The following PMFBP1 variants were observed in gnomAD, a reference collection of about 807,000 sequenced individuals.
The protein encoded by PMFBP1 is polyamine modulated factor 1 binding protein 1.
Under a neutral mutation model 137.8 loss-of-function variants are expected in PMFBP1, and 131 were observed. The observed-to-expected ratio is 0.95, with a 90% CI of 0.82 to 1.10. PMFBP1 has a LOEUF of 1.10. Ranked by LOEUF, PMFBP1 falls within the 50% of genes least tolerant of loss-of-function variation. The pLI, the probability that PMFBP1 is intolerant of heterozygous loss-of-function variation, is 0.00. For missense variants in PMFBP1, 1,199 were observed against 1,175.4 expected (o/e 1.02, Z -0.29); for synonymous variants, 490 against 450.4 (o/e 1.09, Z -1.11).
At chr16:72,147,920 G>T (rs1351906820) in intron 5 of PMFBP1, among the ~76,000 whole-genome samples, 1 of 152,188 alleles carries the variant, frequency 6.6e-6, no homozygotes, top group Non-Finnish European at 1.5e-5. Context: ...TACACTGTTG[G>T]TGGGAGTGTA....
chr16:72,170,382 G>T (rs745600816), intron 2 of PMFBP1, among the ~76,000 whole-genome samples: 1 of 152,030 alleles, frequency 6.6e-6, no homozygotes, highest in Non-Finnish European at 1.5e-5. Flanking sequence ...CATCAAAAAA[G>T]TCCCCTTAAA....
At chr16:72,187,181 C>T in the PMFBP1 span, among the ~76,000 whole-genome samples, 1,265 of 151,508 alleles carry the variant, frequency 8.3e-3, 9 homozygotes, top group Non-Finnish European at 0.012. Context: ...TCTGAAGAAA[C>T]ATTTACTAAA....
At chr16:72,184,918 C>T in the PMFBP1 span, among the ~76,000 whole-genome samples, 5 of 152,182 alleles carry the variant, frequency 3.3e-5, no homozygotes, top group East Asian at 7.7e-4. Flanking sequence ...ACTAGAGATA[C>T]GATCATGTCA....
At chr16:72,132,650 CGAGGGGA>C (rs1028765575) in intron 10 of PMFBP1, 91 bp downstream of exon 10, 9 of 1,554,362 alleles carry the variant, frequency 5.8e-6, no homozygotes, top group African/African-American at 1.4e-5. Context: ...TGGAGGAGGG[CGAGGGGA>C]AGTGGCCACT....
At chr16:72,145,592 C>G (rs933935257) in intron 5 of PMFBP1, among the ~76,000 whole-genome samples, 9 of 152,038 alleles carry the variant, frequency 5.9e-5, no homozygotes, top group Non-Finnish European at 1.2e-4. Context: ...AATCCAGGAG[C>G]TGGATTTTTG....
intron 5 of PMFBP1, among the ~76,000 whole-genome samples, chr16:72,146,552 G>A (rs942015463): frequency 6.6e-6 from 1 of 152,112 alleles, no homozygotes; most frequent in Non-Finnish European, 1.5e-5. Context: ...AGAAATAAAG[G>A]GTATACAATT....
chr16:72,130,154 C>A, intron 12 of PMFBP1, 59 bp downstream of exon 12: 1 of 1,596,230 alleles, frequency 6.3e-7, no homozygotes, highest in South Asian at 1.1e-5. Flanking sequence ...TGCTCCTAGT[C>A]TGTGTTTTAT....
chr16:72,237,874 A>G, the PMFBP1 span, among the ~76,000 whole-genome samples: 4 of 152,198 alleles, frequency 2.6e-5, no homozygotes, highest in Admixed American at 6.5e-5. Flanking sequence ...TTTAGATCCC[A>G]CTTATAAGTG....
chr16:72,154,522 A>T, intron 3 of PMFBP1, 63 bp from the exon 4 acceptor site: 1 of 1,539,794 alleles, frequency 6.5e-7, no homozygotes, highest in Middle Eastern at 1.9e-4. Context: ...TATTCATTCC[A>T]GGATTTTTTT....
At chr16:72,174,129 T>C (rs548284883), upstream of PMFBP1, 1 of 152,376 alleles carries the variant, frequency 6.6e-6, no homozygotes, top group South Asian at 2.1e-4. Context: ...TGATGTTTTG[T>C]GCCTTCCCTC....
chr16:72,139,410 G>A lies in PMFBP1; in HGVS notation c.808-11C>T. 6.3e-7 allele frequency: 1 copy of A among 1,592,636 alleles called. No homozygotes were observed. Among genetic ancestry groups the A allele is most frequent in the South Asian group, 1.1e-5 (1 of 90,250 alleles). On this transcript the variant is annotated splice_polypyrimidine_tract_variant and intron_variant, in intron 6 of 20. Transcript: ENST00000237353. ...TTCACGCTCCAGAACCTGCAAATAA[G>A]CTTAGATCAGTTATGCTGGATGATC... is the stretch of plus-strand genomic sequence containing the variant.
At chr16:72,192,274 G>C in the PMFBP1 span, among the ~76,000 whole-genome samples, 1 of 152,154 alleles carries the variant, frequency 6.6e-6, no homozygotes, top group Non-Finnish European at 1.5e-5. Flanking sequence ...ACAGTTTAAT[G>C]TCACTTTAGA....
At chr16:72,179,342 C>A (rs373078376), upstream of PMFBP1, among the ~76,000 whole-genome samples, 1 of 152,182 alleles carries the variant, frequency 6.6e-6, no homozygotes, top group Admixed American at 6.6e-5. Context: ...GTAATTTCCA[C>A]AAGAGCAACA....
chr16:72,248,033 G>C, the PMFBP1 span, among the ~76,000 whole-genome samples: 1 of 152,122 alleles, frequency 6.6e-6, no homozygotes, highest in Non-Finnish European at 1.5e-5. Context: ...CGAACAGAAA[G>C]CTGTGATTTG....
chr16:72,133,158 T>C (rs888827716), intron 9 of PMFBP1, among the ~76,000 whole-genome samples, 167 bp from the exon 10 acceptor site: 1 of 152,114 alleles, frequency 6.6e-6, no homozygotes, highest in African/African-American at 2.4e-5. Flanking sequence ...CTCCACGCAG[T>C]TGAGAGAGGG....
the PMFBP1 span, among the ~76,000 whole-genome samples, chr16:72,205,456 T>C: frequency 2.0e-5 from 3 of 152,216 alleles, no homozygotes; most frequent in Non-Finnish European, 4.4e-5. Flanking sequence ...GTGTGTCCAA[T>C]TGCAGCTGGA....
chr16:72,135,154 T>C (rs189092823), intron 9 of PMFBP1, among the ~76,000 whole-genome samples: 9 of 152,240 alleles, frequency 5.9e-5, no homozygotes, highest in African/African-American at 2.2e-4. Context: ...GACCAGCCAG[T>C]CTATCAACTG....
Position 72,132,913 on chromosome 16 carries a change from C to A in PMFBP1, c.1282G>T (p.Glu428Ter). The change falls in exon 10 of 21, where the codon GAG (glutamate) becomes TAG (stop). Residue 428 changes from glutamate to a stop codon, truncating the protein, a stop_gained. Transcript: ENST00000237353. LOFTEE classifies it high-confidence loss of function. The part of the protein sequence containing the change: ...TQVQNSLLKK[E>*]KELEKQQCMA... ...CACTGCTGCTTCTCCAGCTCCTTCT[C>A]CTTTTTCAGGAGGCTGTTCTGAACC... The A allele has an allele frequency of 6.2e-7, 1 of 1,614,246 alleles. No individual in the cohort carries two copies. The highest frequency in any genetic ancestry group is 8.5e-7 in the Non-Finnish European group (1 of 1,180,044).
At chr16:72,148,191 T>C (rs560074326) in intron 5 of PMFBP1, among the ~76,000 whole-genome samples, 5 of 151,956 alleles carry the variant, frequency 3.3e-5, no homozygotes, top group Non-Finnish European at 5.9e-5. Flanking sequence ...TATGCAGCCA[T>C]AAAAAAGGAT....
Sources: gnomAD v4.1 joint callset for allele counts (sites outside exome capture counted in the v4.1 genomes callset) on GRCh38, gnomAD v4.1.1 for gene constraint, MANE v1.5 for transcripts, NCBI Gene and HGNC (gene_info 2026-07-23, HGNC 2026-07-21) for gene names.